PBX4: variants seen among roughly 807,000 people sequenced by gnomAD.
PBX4 encodes the protein pre-B-cell leukemia transcription factor 4.
A neutral mutation model predicts 35.1 loss-of-function variants in PBX4; 26 were observed. The observed-to-expected ratio is 0.74, with a 90% CI of 0.54 to 1.03. PBX4 has a LOEUF of 1.03. PBX4 is among the 50% of genes least tolerant of loss of function. The pLI is 0.00. For synonymous variants in PBX4, 199 were observed against 204.2 expected (o/e 0.97, Z 0.22); for missense variants, 448 against 504.3 (o/e 0.89, Z 1.07).
At chr19:19,576,533 A>T (rs1467191532) in intron 2 of PBX4, among the ~76,000 whole-genome samples, 2 of 151,870 alleles carry the variant, frequency 1.3e-5, no homozygotes, top group Non-Finnish European at 2.9e-5. Flanking sequence ...CAAAAAAAAA[A>T]ATTTTTTTTT....
At chr19:19,572,672 C>CTGACTAA (rs1346813409) in intron 2 of PBX4, among the ~76,000 whole-genome samples, 8 of 150,102 alleles carry the variant, frequency 5.3e-5, no homozygotes, top group East Asian at 4.1e-4. Context: ...CGAGACCAGC[C>CTGACTAA]CAGCCAACGT....
At chr19:19,615,334 G>A (rs563672179) in intron 1 of PBX4, among the ~76,000 whole-genome samples, 1 of 151,330 alleles carries the variant, frequency 6.6e-6, no homozygotes, top group Admixed American at 6.6e-5. Flanking sequence ...GTGACAGAGC[G>A]CGGCCTTATA....
At position 19,570,242 on chromosome 19, in the gene PBX4, T is replaced by G; in HGVS notation, c.499A>C (p.Arg167=). The G allele has an allele frequency of 1.9e-6, 3 of 1,613,832 alleles. No homozygotes were observed. The highest frequency in any genetic ancestry group is 2.5e-6 in the Non-Finnish European group (3 of 1,179,802). Residue 167 remains arginine (R), a synonymous_variant, in exon 4 of 8, where the codon AGG becomes CGG. Transcript: ENST00000251203. ...TNLLQEQSRM[R]PVSPKEIERM... is the part of the protein sequence containing the mutation. ...TCAATCTCCTTAGGGGAGACAGGCC[T>G]CATCCTGCTCTGCTCCTGGAGGAGG... is the stretch of plus-strand genomic sequence containing the variant.
chr19:19,575,519 C>T (rs2061414528), intron 2 of PBX4, among the ~76,000 whole-genome samples: 1 of 152,070 alleles, frequency 6.6e-6, no homozygotes, highest in Admixed American at 6.6e-5. Flanking sequence ...CTCTGTAGTC[C>T]CTCTGTTTTC....
Position 19,562,097 on chromosome 19 carries a change from C to T in PBX4, c.1053G>A (p.Gly351=), listed in dbSNP as rs989249024. ...LQSQAQGSWQ[G]ATPQPATASP... ...AGGCAGTTGCAGGTTGGGGGGTGGCCCCCTGCCAGCTACCCTGGGCCTGAA... is the reference window on the plus strand; with the variant it reads ...AGGCAGTTGCAGGTTGGGGGGTGGCTCCCTGCCAGCTACCCTGGGCCTGAA... Residue 351 remains glycine (G), a synonymous_variant, in exon 8 of 8, where the codon GGG becomes GGA. Transcript: ENST00000251203. The surrounding 1 kb of genome is among the most constrained non-coding windows in gnomAD (Gnocchi z 4.8). 6.2e-7 allele frequency: 1 copy of T among 1,611,696 alleles called. No individual in the cohort carries two copies. The highest frequency in any genetic ancestry group is 8.5e-7 in the Non-Finnish European group (1 of 1,179,082).
intron 2 of PBX4, among the ~76,000 whole-genome samples, chr19:19,581,701 TGGG>T: frequency 6.6e-6 from 1 of 152,022 alleles, no homozygotes; most frequent in Non-Finnish European, 1.5e-5. Context: ...ACCTGTTTGG[TGGG>T]AAGCAGGCCT....
chr19:19,584,399 C>T (rs1600418574), intron 2 of PBX4, among the ~76,000 whole-genome samples: 1 of 152,140 alleles, frequency 6.6e-6, no homozygotes. Context: ...GGTCCCTCCT[C>T]GGCTCAGACC....
intron 3 of PBX4, 111 bp from the exon 4 acceptor site, chr19:19,570,410 G>A (rs1460868632): frequency 3.5e-6 from 5 of 1,436,788 alleles, no homozygotes; most frequent in Non-Finnish European, 3.8e-6. Flanking sequence ...TCACACACCG[G>A]CGGGTGACTG....
At chr19:19,588,078 C>A (rs772757579) in intron 2 of PBX4, 72 of 804,092 alleles carry the variant, frequency 9.0e-5, no homozygotes, top group African/African-American at 3.8e-4. Flanking sequence ...GAGGAAGGGG[C>A]CACTTACCAA....
At chr19:19,587,797 T>C (rs1367649827) in intron 2 of PBX4, among the ~76,000 whole-genome samples, 1 of 151,502 alleles carries the variant, frequency 6.6e-6, no homozygotes, top group Non-Finnish European at 1.5e-5. Context: ...AGGGAGCACA[T>C]ATCAATATGG....
intron 1 of PBX4, among the ~76,000 whole-genome samples, chr19:19,605,449 C>CAATAAT (rs36012398): frequency 2.2e-4 from 20 of 90,414 alleles, no homozygotes; most frequent in Non-Finnish European, 3.8e-4. Context: ...ATAATAATAA[C>CAATAAT]AATAATAATA....
At chr19:19,600,453 G>A (rs2061590125) in intron 1 of PBX4, among the ~76,000 whole-genome samples, 1 of 151,404 alleles carries the variant, frequency 6.6e-6, no homozygotes. Flanking sequence ...GAGACCATGA[G>A]TTAGAGGCTG....
rs113898263 is a variant in PBX4, at chr19:19,563,811, CT to C, written c.926-197del. 0.02 allele frequency: 9,672 copies of C among 478,398 alleles called. 619 individuals carry two copies. Among genetic ancestry groups the C allele is most frequent in the African/African-American group, 0.16 (7,831 of 49,530 alleles). The allele number at this position is 478,398 out of a possible 1,614,324, so 29.6% of individuals were successfully genotyped here. ...CTACTCATGTCCCCTCATGGCTTGTCTTTTTTTTTTCTTTTTAAGACAGTCT... is the reference window on the plus strand; with the variant it reads ...CTACTCATGTCCCCTCATGGCTTGTCTTTTTTTTTCTTTTTAAGACAGTCT... On this transcript the variant is annotated intron_variant, in intron 6 of 7. Transcript: ENST00000251203. The surrounding 1 kb of genome is among the most constrained non-coding windows in gnomAD (Gnocchi z 5.1).
chr19:19,579,973 T>C (rs1298506644), intron 2 of PBX4: 1 of 152,366 alleles, frequency 6.6e-6, no homozygotes, highest in South Asian at 2.1e-4. Context: ...GAATGAGCGT[T>C]GGAGACGGAT....
chr19:19,582,617 T>C (rs143115527), intron 2 of PBX4, among the ~76,000 whole-genome samples: 2,595 of 152,288 alleles, frequency 0.017, 83 homozygotes, highest in South Asian at 0.11. Context: ...TCATTCTCCA[T>C]GCCCACATGT....
At chr19:19,580,362 G>A (rs960937789) in intron 2 of PBX4, among the ~76,000 whole-genome samples, 7 of 152,270 alleles carry the variant, frequency 4.6e-5, no homozygotes, top group African/African-American at 1.7e-4. Context: ...TTGCCCTGGG[G>A]GGATAAGAAC....
chr19:19,562,020 C>T lies in PBX4; in HGVS notation c.*5G>A. On this transcript the variant is annotated 3_prime_UTR_variant, in exon 8 of 8. Transcript: ENST00000251203. This position sits in a 1 kb window ranked among gnomAD's most constrained non-coding sequence, Gnocchi z 4.8. ...GCAGCGCTCTTTCCTGCTTATCCCC[C>T]AAACTTAATTAGATGTACTGGAGTT... The T allele has an allele frequency of 6.2e-7, 1 of 1,610,146 alleles. No individual in the cohort carries two copies. The highest frequency in any genetic ancestry group is 2.2e-5 in the East Asian group (1 of 44,598).
intron 2 of PBX4, among the ~76,000 whole-genome samples, chr19:19,573,029 G>C (rs996171788): frequency 6.6e-6 from 1 of 151,742 alleles, no homozygotes; most frequent in African/African-American, 2.4e-5. Flanking sequence ...GTGTTGGCCA[G>C]GCGCAGTGGC....
chr19:19,592,134 C>A (rs754595349), intron 2 of PBX4, among the ~76,000 whole-genome samples: 7 of 152,134 alleles, frequency 4.6e-5, no homozygotes, highest in Non-Finnish European at 7.3e-5. Context: ...CCGTCTGCCT[C>A]AGCCTCCCAA....
Sources: allele counts gnomAD v4.1 joint callset (sites outside exome capture counted in the v4.1 genomes callset), GRCh38; gene constraint gnomAD v4.1.1; non-coding constraint Gnocchi (gnomAD v3.1); transcripts MANE v1.5; gene names NCBI Gene and HGNC (gene_info 2026-07-23, HGNC 2026-07-21).